Variants in PLEKHG1 observed in about 807,000 individuals in gnomAD.
The protein encoded by PLEKHG1 is pleckstrin homology and RhoGEF domain containing G1.
A neutral mutation model predicts 100.8 loss-of-function variants in PLEKHG1; 44 were observed. The ratio of observed to expected loss-of-function variants is 0.44; its 90% CI spans 0.34 to 0.56. The LOEUF is 0.56. Ranked by LOEUF, PLEKHG1 falls within the 20% of genes least tolerant of loss-of-function variation. The probability of loss-of-function intolerance (pLI) is 0.01; values close to 1 mark genes in which losing one functional copy is unlikely to be tolerated. For missense variants in PLEKHG1, 1,545 were observed against 1,720.9 expected (o/e 0.90, Z 1.81); for synonymous variants, 640 against 662.5 (o/e 0.97, Z 0.52).
intron 6 of PLEKHG1, 35 bp downstream of exon 7, chr6:150,800,904 G>C (rs372179951): frequency 1.3e-6 from 2 of 1,590,112 alleles, no homozygotes; most frequent in Admixed American, 1.7e-5. Flanking sequence ...CTTTCCAGGG[G>C]ATGGGAGTTT....
chr6:150,836,715 C>A (rs1303279176), intron 15 of PLEKHG1, among the ~76,000 whole-genome samples: 4 of 151,414 alleles, frequency 2.6e-5, no homozygotes, highest in African/African-American at 9.7e-5. Context: ...CCCAGGTACT[C>A]AGGAGGCTGA....
At chr6:150,605,526 GT>G (rs1393410029) in intron 1 of PLEKHG1, 1 of 152,184 alleles carries the variant, frequency 6.6e-6, no homozygotes, top group African/African-American at 2.4e-5. Context: ...ATTCCAGAGC[GT>G]TTATTGAGAA....
intron 3 of PLEKHG1, among the ~76,000 whole-genome samples, chr6:150,653,369 TG>T (rs1778825556): frequency 6.6e-6 from 1 of 152,082 alleles, no homozygotes; most frequent in African/African-American, 2.4e-5. Flanking sequence ...AAAGTCATCA[TG>T]GGGCCCCACC....
At chr6:150,659,570 T>A (rs1779102359) in intron 3 of PLEKHG1, among the ~76,000 whole-genome samples, 1 of 152,224 alleles carries the variant, frequency 6.6e-6, no homozygotes, top group Non-Finnish European at 1.5e-5. Flanking sequence ...GCCTGGCCCT[T>A]GGCAGACTGT....
chr6:150,760,635 CTTTT>C (rs34394040), intron 2 of PLEKHG1, among the ~76,000 whole-genome samples: 2 of 115,802 alleles, frequency 1.7e-5, no homozygotes, highest in African/African-American at 3.2e-5. Flanking sequence ...AAATGCTTTG[CTTTT>C]TTTTTTTTTT....
At chr6:150,624,258 G>T (rs1004589568) in intron 1 of PLEKHG1, among the ~76,000 whole-genome samples, 4 of 152,130 alleles carry the variant, frequency 2.6e-5, no homozygotes, top group African/African-American at 7.2e-5. Flanking sequence ...GGCCTTGGGG[G>T]TGCTGCTGCC....
chr6:150,807,916 C>T (rs937664569), intron 7 of PLEKHG1, among the ~76,000 whole-genome samples: 1 of 152,118 alleles, frequency 6.6e-6, no homozygotes, highest in Non-Finnish European at 1.5e-5. Context: ...TTGCAGTGAG[C>T]CGAGATTGTG....
chr6:150,641,425 G>A (rs1050630091), intron 2 of PLEKHG1, among the ~76,000 whole-genome samples: 1 of 152,160 alleles, frequency 6.6e-6, no homozygotes, highest in Non-Finnish European at 1.5e-5. Flanking sequence ...CAAAATAACC[G>A]TGTAAGCACA....
At position 150,689,767 on chromosome 6, in the gene PLEKHG1, A is replaced by G. The variant is rs576164329; in HGVS notation, c.-99+38981A>G. Among the ~76,000 whole-genome samples the G allele has an allele frequency of 4.6e-5, 7 of 152,042 alleles. No homozygotes were observed. In the East Asian group the frequency reaches 1.4e-3, roughly 29 times the overall value. On this transcript the variant is annotated intron_variant, in intron 3 of 3. Coordinates refer to the PLEKHG1 transcript ENST00000367326. ...CTACACAGGAGGCTGAGGCAGGAGAATCACTTGAACCCGGGAGGCAGAGGT... is the reference window on the plus strand; with the variant it reads ...CTACACAGGAGGCTGAGGCAGGAGAGTCACTTGAACCCGGGAGGCAGAGGT...
chr6:150,645,776 CTT>C (rs1778467216), intron 2 of PLEKHG1, among the ~76,000 whole-genome samples: 1 of 152,064 alleles, frequency 6.6e-6, no homozygotes, highest in African/African-American at 2.4e-5. Flanking sequence ...CAGTGGAACT[CTT>C]ATACACTATG....
At chr6:150,701,976 C>T (rs577878897) in intron 3 of PLEKHG1, among the ~76,000 whole-genome samples, 40 of 152,222 alleles carry the variant, frequency 2.6e-4, no homozygotes, top group African/African-American at 3.9e-4. Context: ...AGACTGAGAT[C>T]GACTGAAGTT....
At chr6:150,787,639 C>T (rs552070597) in intron 4 of PLEKHG1, among the ~76,000 whole-genome samples, 11 of 152,208 alleles carry the variant, frequency 7.2e-5, no homozygotes, top group Non-Finnish European at 1.6e-4. Context: ...TGGGAGATGT[C>T]GCTCCAGTCT....
At chr6:150,601,372 C>T (rs1436722345) in intron 1 of PLEKHG1, among the ~76,000 whole-genome samples, 6 of 152,224 alleles carry the variant, frequency 3.9e-5, no homozygotes, top group Non-Finnish European at 8.8e-5. Context: ...ATACTTGCCT[C>T]TGGTCGTCTT....
chr6:150,797,560 T>A (rs1562526784), intron 5 of PLEKHG1, among the ~76,000 whole-genome samples: 1 of 150,250 alleles, frequency 6.7e-6, no homozygotes, highest in Non-Finnish European at 1.5e-5. Flanking sequence ...AGCGGCTGGA[T>A]ACAGAGACTT....
At chr6:150,840,887 C>T (rs1309087413) in exon 16 of PLEKHG1, 2 of 1,607,830 alleles carry the variant, frequency 1.2e-6, no homozygotes, top group African/African-American at 2.7e-5. Flanking sequence ...GTTCAAGCAG[C>T]TTTGCTTAAG....
chr6:150,602,146 A>G (rs1432496367), intron 1 of PLEKHG1, among the ~76,000 whole-genome samples: 1 of 152,214 alleles, frequency 6.6e-6, no homozygotes, highest in Non-Finnish European at 1.5e-5. Context: ...ATGCTTGAGT[A>G]GCACTAAATC....
rs774080035 is a variant in PLEKHG1 at position 150,831,854 on chromosome 6, T to C, written c.2743T>C (p.Cys915Arg). 6.2e-7 allele frequency: 1 copy of C among 1,613,340 alleles called. No individual in the cohort carries two copies. Among genetic ancestry groups the C allele is most frequent in the East Asian group, 2.2e-5 (1 of 44,840 alleles). ...GGCTGGCAGAGCCAGCCGCGCCAACTGCCCCTTTGAGGAAGACCTGATTTC... is the reference window on the plus strand; with the variant it reads ...GGCTGGCAGAGCCAGCCGCGCCAACCGCCCCTTTGAGGAAGACCTGATTTC... Residue 915 changes from cysteine (C) to arginine (R), a missense_variant, in exon 15 of 16, where the codon TGC becomes CGC. Transcript: ENST00000358517. This position sits in a 1 kb window ranked among gnomAD's most constrained non-coding sequence, Gnocchi z 4.1.
At chr6:150,811,635 TAAA>T (rs55740953) in intron 10 of PLEKHG1, among the ~76,000 whole-genome samples, 85 of 139,488 alleles carry the variant, frequency 6.1e-4, no homozygotes, top group Non-Finnish European at 8.5e-4. Context: ...AGACCTGCAT[TAAA>T]AAAAAAAAAA....
chr6:150,681,187 A>G (rs1455937397), intron 3 of PLEKHG1, among the ~76,000 whole-genome samples: 2 of 152,196 alleles, frequency 1.3e-5, no homozygotes, highest in Non-Finnish European at 2.9e-5. Context: ...CATCCAGTTC[A>G]GAACAATTCA....
Sources: gnomAD v4.1 joint callset for allele counts (sites outside exome capture counted in the v4.1 genomes callset) on GRCh38, gnomAD v4.1.1 for gene constraint, Gnocchi (gnomAD v3.1) non-coding constraint, MANE v1.5 for transcripts, NCBI Gene and HGNC (gene_info 2026-07-23, HGNC 2026-07-21) for gene names.